Variants in USP7 observed in about 807,000 individuals in gnomAD.
The protein encoded by USP7 is ubiquitin specific peptidase 7.
In USP7, 9 loss-of-function variants were observed where a neutral mutation model predicts 162.9. The ratio of observed to expected loss-of-function variants is 0.06; its 90% confidence interval spans 0.03 to 0.10. The LOEUF (loss-of-function observed/expected upper bound fraction) is 0.10, where lower values mean the gene tolerates loss of function less well. USP7 is among the 10% of genes least tolerant of loss of function. The probability of loss-of-function intolerance (pLI) is 1.00; values close to 1 mark genes in which losing one functional copy is unlikely to be tolerated. For missense variants in USP7, 715 were observed against 1,373.7 expected (o/e 0.52, Z 7.58); for synonymous variants, 562 against 475.9 (o/e 1.18, Z -2.35).
At chr16:8,899,823 GCAT>G in intron 21 of USP7, 66 bp from the exon 22 acceptor site, 1 of 1,573,684 alleles carries the variant, frequency 6.4e-7, no homozygotes, top group Non-Finnish European at 8.7e-7. Context: ...GGTAAAAATG[GCAT>G]CATCTTTTAC....
intron 1 of USP7, among the ~76,000 whole-genome samples, chr16:8,942,861 A>T (rs1899109528): frequency 6.6e-6 from 1 of 152,090 alleles, no homozygotes; most frequent in South Asian, 2.1e-4. Flanking sequence ...TTGTGATTTT[A>T]TACCCTCCAG....
intron 1 of USP7, among the ~76,000 whole-genome samples, chr16:8,960,453 C>T (rs1439298665): frequency 2.0e-5 from 3 of 152,156 alleles, no homozygotes; most frequent in Non-Finnish European, 2.9e-5. Flanking sequence ...AATGTGAGGC[C>T]GGAGAGCAAA....
At chr16:8,937,686 T>C (rs1321932173) in intron 1 of USP7, among the ~76,000 whole-genome samples, 1 of 151,888 alleles carries the variant, frequency 6.6e-6, no homozygotes, top group African/African-American at 2.4e-5. Flanking sequence ...TGTCTCTAAA[T>C]AGGCTACAAA....
chr16:8,929,684 T>G (rs1421298487), intron 2 of USP7: 1 of 411,470 alleles, frequency 2.4e-6, no homozygotes, highest in African/African-American at 2.1e-5. Context: ...GTGCAAATAT[T>G]GAGGTCACTA....
intron 1 of USP7, among the ~76,000 whole-genome samples, chr16:8,937,550 A>G (rs529998301): frequency 1.5e-4 from 23 of 152,054 alleles, no homozygotes; most frequent in African/African-American, 4.8e-4. Flanking sequence ...TCAAAAAATA[A>G]TAAGTTGGGT....
chr16:8,940,971 G>T (rs945241684), intron 1 of USP7, among the ~76,000 whole-genome samples: 5 of 152,192 alleles, frequency 3.3e-5, no homozygotes, highest in African/African-American at 1.2e-4. Context: ...TAGCAGGACA[G>T]AATTCTCTCT....
At chr16:8,900,483 A>C (rs780048050) in intron 21 of USP7, 47 bp downstream of exon 21, 1 of 1,427,074 alleles carries the variant, frequency 7.0e-7, no homozygotes, top group Non-Finnish European at 9.5e-7. Context: ...ACTTAAAAAA[A>C]TCCTGAAATT....
At position 8,919,156 on chromosome 16, in the gene USP7, A is replaced by C. The variant is rs995199288; in HGVS notation, c.612-17T>G. 1.2e-6 allele frequency: 2 copies of C among 1,613,036 alleles called. No individual in the cohort carries two copies. Among genetic ancestry groups the C allele is most frequent in the African/African-American group, 2.7e-5 (2 of 74,880 alleles). Reference sequence around the variant, plus strand: ...GAATCCCACCTGAAAGATCAGTTCAAGGTTGAGGGGATCTTGCAGATACCC... The same window carrying C: ...GAATCCCACCTGAAAGATCAGTTCACGGTTGAGGGGATCTTGCAGATACCC... On this transcript the variant is annotated splice_polypyrimidine_tract_variant and intron_variant, in intron 5 of 30. Coordinates refer to ENST00000344836, the MANE Select transcript of USP7 (RefSeq NM_003470.3).
intron 14 of USP7, 148 bp from the exon 15 acceptor site, chr16:8,904,713 CGGG>C (rs2061831638): frequency 8.3e-7 from 1 of 1,211,184 alleles, no homozygotes. Context: ...GAGGCTGAGG[CGGG>C]CCGATCACGA....
intron 1 of USP7, among the ~76,000 whole-genome samples, chr16:8,939,848 A>C (rs540719308): frequency 1.2e-4 from 18 of 152,304 alleles, no homozygotes; most frequent in Admixed American, 1.0e-3. Context: ...GCCTGTAATC[A>C]CAGCACTTTG....
At chr16:8,919,223 CAGCCTTAAGGA>C (rs1349855324) in intron 5 of USP7, 84 bp from the exon 6 acceptor site, 2 of 1,417,456 alleles carry the variant, frequency 1.4e-6, no homozygotes. Flanking sequence ...GACTCAAGGT[CAGCCTTAAGGA>C]AACCGAGGCC....
In USP7 at chr16:8,893,766, T is replaced by C. The variant is rs983405865; in HGVS notation, c.*232A>G. ...CAGTTGCCTTGCACTGTGGTTACCATAAAATAACTCTCATTGGCATCCAAG... is the reference window on the plus strand; with the variant it reads ...CAGTTGCCTTGCACTGTGGTTACCACAAAATAACTCTCATTGGCATCCAAG... On this transcript the variant is annotated 3_prime_UTR_variant, in exon 31 of 31. Coordinates refer to ENST00000344836, the MANE Select transcript of USP7 (RefSeq NM_003470.3). 2.1e-6 allele frequency: 1 copy of C among 481,974 alleles called. No individual in the cohort carries two copies. Among genetic ancestry groups the C allele is most frequent in the Non-Finnish European group, 3.8e-6 (1 of 262,910 alleles). 29.9% of individuals were successfully genotyped at this position (481,974 alleles called of 1,614,324 possible).
chr16:8,940,189 A>G (rs1596404052), intron 1 of USP7, among the ~76,000 whole-genome samples: 1 of 152,134 alleles, frequency 6.6e-6, no homozygotes. Flanking sequence ...TGTGGCTCCC[A>G]TCCTGCTGCC....
intron 1 of USP7, chr16:8,962,579 C>A (rs1277967489): frequency 5.5e-6 from 2 of 360,934 alleles, no homozygotes; most frequent in Non-Finnish European, 1.1e-5. Flanking sequence ...CCACACACTG[C>A]CAAGTACAAA....
chr16:8,910,740 T>C lies in USP7; in HGVS notation c.1161+5A>G, dbSNP rs751871193. 1 of 1,613,756 alleles carries C rather than the reference T, an allele frequency of 6.2e-7. No homozygotes were observed. The highest frequency in any genetic ancestry group is 1.1e-5 in the South Asian group (1 of 91,052). ...CAGGACACTAGCACAAAACACTCAA[T>C]TTACCTGTAAGCCATGTTCCCCAGC... On this transcript the variant is annotated splice_donor_5th_base_variant and intron_variant, in intron 11 of 30. Coordinates refer to ENST00000344836, the MANE Select transcript of USP7 (RefSeq NM_003470.3).
At chr16:8,940,321 C>A (rs2141248390) in intron 1 of USP7, among the ~76,000 whole-genome samples, 1 of 152,320 alleles carries the variant, frequency 6.6e-6, no homozygotes, top group East Asian at 1.9e-4. Flanking sequence ...ACACTGTTAT[C>A]CAAGAACCAG....
rs2061654042 is a variant in USP7, at chr16:8,894,611, T to C, written c.3141A>G (p.Arg1047=). The change falls in exon 30 of 31, where the codon CGA becomes CGG. Residue 1047 remains arginine, a synonymous_variant. Transcript: ENST00000344836. ...ACTCGTCTTCATTTATGTACTGGTG[T>C]CGGCCCATCATTACAATTGCAAATT... ...KFKFAIVMMG[R]HQYINEDEYE... The C allele has an allele frequency of 9.3e-6, 15 of 1,613,790 alleles. No individual in the cohort carries two copies. The highest frequency in any genetic ancestry group is 1.3e-5 in the African/African-American group (1 of 74,878).
intron 13 of USP7, among the ~76,000 whole-genome samples, chr16:8,905,535 G>C (rs1236803430): frequency 3.3e-5 from 5 of 152,196 alleles, no homozygotes; most frequent in African/African-American, 7.2e-5. Context: ...CAATTCACCA[G>C]GACCTTCGCA....
At chr16:8,957,038 T>TC (rs34948058) in intron 1 of USP7, among the ~76,000 whole-genome samples, 1 of 152,208 alleles carries the variant, frequency 6.6e-6, no homozygotes, top group Admixed American at 6.5e-5. Flanking sequence ...TCTGGAAGCA[T>TC]CCCTGCTCTG....
Sources: allele counts gnomAD v4.1 joint callset (sites outside exome capture counted in the v4.1 genomes callset), GRCh38; gene constraint gnomAD v4.1.1; transcripts MANE v1.5; gene names NCBI Gene and HGNC (gene_info 2026-07-23, HGNC 2026-07-21).